VPS54: variants seen among roughly 807,000 people sequenced by gnomAD.
VPS54 encodes the protein VPS54 subunit of GARP complex.
In VPS54, 45 loss-of-function variants were observed where a neutral mutation model predicts 121.5. The observed-to-expected ratio is 0.37, with a 90% CI of 0.29 to 0.47. VPS54 has a LOEUF of 0.47. Among genes scored for constraint, VPS54 ranks in the 20% least tolerant of loss-of-function variants. The pLI is 0.99. For missense variants in VPS54, 1,090 were observed against 1,131.4 expected, an observed-to-expected ratio of 0.96 and a Z score of 0.52; for synonymous variants, 371 against 385.8, an observed-to-expected ratio of 0.96 and a Z score of 0.45.
At chr2:63,921,467 T>C in intron 12 of VPS54, 132 bp from the exon 13 acceptor site, 2 of 870,486 alleles carry the variant, frequency 2.3e-6, no homozygotes, top group Non-Finnish European at 3.4e-6. Flanking sequence ...ATGTACCAAA[T>C]ATCTTATAGT....
chr2:63,928,752 A>C (rs1027993199), intron 12 of VPS54, among the ~76,000 whole-genome samples: 61 of 151,544 alleles, frequency 4.0e-4, no homozygotes, highest in African/African-American at 1.4e-3. Flanking sequence ...GGTGTGCTAC[A>C]TTCAGGAGAC....
chr2:63,933,828 T>C lies in VPS54; in HGVS notation c.1584A>G (p.Thr528=). The C allele has an allele frequency of 6.2e-7, 1 of 1,613,842 alleles. No homozygotes were observed. The highest frequency in any genetic ancestry group is 8.5e-7 in the Non-Finnish European group (1 of 1,179,844). ...GAGAGGTAGTGTCAACTGCTATAGG[T>C]GTTAGCTCACCCTCACCGAATGCAT... ...ISDAFGEGEL[T]PIAVDTTSQR... Residue 528 remains threonine (T), a synonymous_variant, in exon 12 of 23, where the codon ACA becomes ACG. Transcript: ENST00000272322.
At chr2:64,011,749 C>T (rs1678442077) in intron 1 of VPS54, among the ~76,000 whole-genome samples, 1 of 152,058 alleles carries the variant, frequency 6.6e-6, no homozygotes, top group Admixed American at 6.6e-5. Flanking sequence ...TCAAAATGAA[C>T]CATATTAGAC....
At chr2:63,906,659 A>G (rs1421374047) in intron 20 of VPS54, among the ~76,000 whole-genome samples, 2 of 152,186 alleles carry the variant, frequency 1.3e-5, no homozygotes, top group African/African-American at 4.8e-5. Context: ...CTGTTACTGA[A>G]TGTAGTATTG....
chr2:63,955,017 A>G (rs2104543045), intron 7 of VPS54, among the ~76,000 whole-genome samples: 1 of 152,142 alleles, frequency 6.6e-6, no homozygotes, highest in East Asian at 1.9e-4. Flanking sequence ...AAATCTGAAC[A>G]CTGACTAGCT....
chr2:63,981,377 A>T lies in VPS54; in HGVS notation c.378+269T>A, dbSNP rs115046059. On this transcript the variant is annotated intron_variant, in intron 3 of 22. Coordinates refer to ENST00000272322, the MANE Select transcript of VPS54 (RefSeq NM_016516.3). Reference sequence around the variant, plus strand: ...TGGACTTTATAGGCCTAACAGAATCATTTTCTCCTTGGTAAGCAGGGTAGG... The same window carrying T: ...TGGACTTTATAGGCCTAACAGAATCTTTTTCTCCTTGGTAAGCAGGGTAGG... 1.3e-3 allele frequency among the ~76,000 whole-genome samples: 202 copies of T among 152,180 alleles called. 1 individual carries two copies. Among genetic ancestry groups the T allele is most frequent in the African/African-American group, 4.7e-3 (195 of 41,546 alleles).
intron 21 of VPS54, 120 bp downstream of exon 21, chr2:63,899,354 A>T: frequency 1.2e-6 from 1 of 823,804 alleles, no homozygotes; most frequent in Non-Finnish European, 1.8e-6. Context: ...CAATGTAAAA[A>T]AATGATAATC....
intron 4 of VPS54, 130 bp from the exon 5 acceptor site, chr2:63,969,121 TTATC>T (rs1676149706): frequency 6.9e-6 from 5 of 721,918 alleles, no homozygotes; most frequent in Middle Eastern, 7.6e-4. Flanking sequence ...CTTCAACAAA[TTATC>T]TATCAAGCAC....
intron 11 of VPS54, among the ~76,000 whole-genome samples, chr2:63,934,860 A>G (rs771613935): frequency 6.6e-6 from 1 of 152,170 alleles, no homozygotes; most frequent in Non-Finnish European, 1.5e-5. Context: ...AAATTTATGT[A>G]AACTAATGTC....
At chr2:63,903,003 C>CATA (rs1672752064) in intron 20 of VPS54, among the ~76,000 whole-genome samples, 1 of 151,946 alleles carries the variant, frequency 6.6e-6, no homozygotes, top group Non-Finnish European at 1.5e-5. Context: ...CATAACATAA[C>CATA]ACAACATAAC....
intron 3 of VPS54, among the ~76,000 whole-genome samples, chr2:63,976,501 G>C (rs1183559389): frequency 6.6e-6 from 1 of 152,084 alleles, no homozygotes; most frequent in Non-Finnish European, 1.5e-5. Flanking sequence ...TCCTGAAATA[G>C]ATTATAAATA....
chr2:63,994,944 G>C (rs1207628355), intron 1 of VPS54, among the ~76,000 whole-genome samples: 1 of 152,178 alleles, frequency 6.6e-6, no homozygotes, highest in Non-Finnish European at 1.5e-5. Flanking sequence ...TTCTTATTGG[G>C]AGAACGAGAA....
At chr2:63,952,343 T>A (rs988950451) in intron 7 of VPS54, among the ~76,000 whole-genome samples, 1 of 152,210 alleles carries the variant, frequency 6.6e-6, no homozygotes, top group Non-Finnish European at 1.5e-5. Context: ...ATGGAAAATA[T>A]GTTTATATCT....
chr2:63,983,783 C>T (rs190718822), intron 2 of VPS54, 81 bp downstream of exon 2: 304 of 1,471,724 alleles, frequency 2.1e-4, no homozygotes, highest in African/African-American at 2.0e-3. Flanking sequence ...ACTCTTCTAA[C>T]GTTGGTATAT....
intron 20 of VPS54, 99 bp downstream of exon 20, chr2:63,912,246 T>C (rs1673180729): frequency 8.8e-7 from 1 of 1,132,308 alleles, no homozygotes; most frequent in South Asian, 1.5e-5. Context: ...TATGAAAGTT[T>C]AGATTATCTT....
chr2:64,013,559 G>GAT (rs1046867509), intron 1 of VPS54, among the ~76,000 whole-genome samples: 2 of 142,618 alleles, frequency 1.4e-5, no homozygotes, highest in African/African-American at 2.7e-5. Context: ...ATATATATAT[G>GAT]ATATATATAT....
intron 1 of VPS54, among the ~76,000 whole-genome samples, chr2:64,000,617 G>C (rs1483709173): frequency 6.6e-6 from 1 of 152,260 alleles, no homozygotes; most frequent in African/African-American, 2.4e-5. Context: ...CAGTAATGCT[G>C]TGGTTCTTGC....
intron 11 of VPS54, among the ~76,000 whole-genome samples, chr2:63,934,463 T>C (rs1674361079): frequency 6.6e-6 from 1 of 152,172 alleles, no homozygotes; most frequent in East Asian, 1.9e-4. Context: ...CCAGACATTC[T>C]AGTTCTCTTT....
chr2:64,005,086 CTTCTTTTTTTTTTTTTT>C (rs1678062345), intron 1 of VPS54, among the ~76,000 whole-genome samples: 1 of 76,604 alleles, frequency 1.3e-5, no homozygotes, highest in East Asian at 4.1e-4. Flanking sequence ...TCTACTATTG[CTTCTTTTTTTTTTTTTT>C]TTTTTTTTTT....
Sources: allele counts gnomAD v4.1 joint callset (sites outside exome capture counted in the v4.1 genomes callset), GRCh38; gene constraint gnomAD v4.1.1; transcripts MANE v1.5; gene names NCBI Gene and HGNC (gene_info 2026-07-23, HGNC 2026-07-21).